ARK2N: variants seen among roughly 807,000 people sequenced by gnomAD.
The protein encoded by ARK2N is protein ARK2N.
chr18:46,178,377 A>G, the ARK2N span, among the ~76,000 whole-genome samples: 1 of 152,186 alleles, frequency 6.6e-6, no homozygotes, highest in Non-Finnish European at 1.5e-5. Context: ...CAATGGCACA[A>G]TCTCCGCTCA....
the ARK2N span, among the ~76,000 whole-genome samples, chr18:46,234,762 G>C: frequency 6.6e-6 from 1 of 152,042 alleles, no homozygotes; most frequent in South Asian, 2.1e-4. Flanking sequence ...TCTTTCTCTT[G>C]GTGTTGTGTG....
At chr18:46,185,404 C>T in the ARK2N span, among the ~76,000 whole-genome samples, 1 of 152,184 alleles carries the variant, frequency 6.6e-6, no homozygotes, top group Non-Finnish European at 1.5e-5. Flanking sequence ...TGTGTGTGCA[C>T]ATGTGCCACA....
chr18:46,229,508 C>T, the ARK2N span, among the ~76,000 whole-genome samples: 2 of 151,326 alleles, frequency 1.3e-5, no homozygotes, highest in South Asian at 2.1e-4. Context: ...CCACCACGCC[C>T]GGCTAATTTT....
At chr18:46,186,614 C>T in the ARK2N span, among the ~76,000 whole-genome samples, 93 of 148,820 alleles carry the variant, frequency 6.2e-4, no homozygotes, top group African/African-American at 2.1e-3. Flanking sequence ...ACACCATTCT[C>T]CTGCCTTAGC....
the ARK2N span, among the ~76,000 whole-genome samples, chr18:46,200,500 G>T: frequency 2.6e-5 from 4 of 152,064 alleles, no homozygotes; most frequent in Non-Finnish European, 5.9e-5. Flanking sequence ...TAGAAATGGG[G>T]TTTCACTATG....
the ARK2N span, among the ~76,000 whole-genome samples, chr18:46,182,032 G>A: frequency 6.6e-6 from 1 of 152,184 alleles, no homozygotes; most frequent in African/African-American, 2.4e-5. Flanking sequence ...ATAATGTCTG[G>A]AGTCTGCATT....
the ARK2N span, among the ~76,000 whole-genome samples, chr18:46,223,058 T>C: frequency 6.6e-6 from 1 of 152,216 alleles, no homozygotes; most frequent in Non-Finnish European, 1.5e-5. Context: ...GCATAAATGT[T>C]CTTATACCAT....
At chr18:46,253,954 G>A in the ARK2N span, 3 of 1,124,216 alleles carry the variant, frequency 2.7e-6, no homozygotes, top group African/African-American at 3.2e-5. Context: ...TCTTGGTTTT[G>A]TTTTGTTTAA....
chr18:46,189,192 G>A, the ARK2N span, among the ~76,000 whole-genome samples: 9 of 141,040 alleles, frequency 6.4e-5, no homozygotes, highest in East Asian at 1.9e-3. Context: ...TCCAGCCTGG[G>A]TGACAGAGCG....
At chr18:46,217,407 T>C in the ARK2N span, 7 of 152,232 alleles carry the variant, frequency 4.6e-5, no homozygotes, top group African/African-American at 1.7e-4. Flanking sequence ...AAGAGATCCT[T>C]ACAATATGAT....
At chr18:46,247,245 A>G in the ARK2N span, among the ~76,000 whole-genome samples, 3 of 152,196 alleles carry the variant, frequency 2.0e-5, no homozygotes, top group Non-Finnish European at 2.9e-5. Context: ...ATAAAAAATA[A>G]AGTGATGACA....
the ARK2N span, among the ~76,000 whole-genome samples, chr18:46,259,885 C>CTGTGTGTGTGTGTGTGTGTGTG: frequency 7.4e-3 from 601 of 81,680 alleles, 122 homozygotes; most frequent in Middle Eastern, 0.032. Context: ...ATCCTCCCGT[C>CTGTGTGTGTGTGTGTGTGTGTG]TGTGTGTGTG....
chr18:46,266,533 T>C, the ARK2N span: 1 of 152,620 alleles, frequency 6.6e-6, no homozygotes, highest in Non-Finnish European at 1.5e-5. Flanking sequence ...TAAAAGGTAG[T>C]GATCTTAAAA....
At chr18:46,212,639 C>T in the ARK2N span, among the ~76,000 whole-genome samples, 3 of 151,948 alleles carry the variant, frequency 2.0e-5, no homozygotes, top group Non-Finnish European at 4.4e-5. Flanking sequence ...GTTTTGACTG[C>T]AATACCGGTT....
chr18:46,184,723 T>TAACAAC, the ARK2N span, among the ~76,000 whole-genome samples: 5 of 151,876 alleles, frequency 3.3e-5, no homozygotes, highest in Admixed American at 6.6e-5. Flanking sequence ...ACCCTGTCTC[T>TAACAAC]AACAACAACA....
At chr18:46,258,206 G>A in the ARK2N span, among the ~76,000 whole-genome samples, 5 of 152,222 alleles carry the variant, frequency 3.3e-5, no homozygotes, top group East Asian at 1.9e-4. Context: ...GATTACAGGC[G>A]TGAGCCACCA....
the ARK2N span, among the ~76,000 whole-genome samples, chr18:46,241,414 A>G: frequency 6.6e-6 from 1 of 152,186 alleles, no homozygotes; most frequent in Non-Finnish European, 1.5e-5. Context: ...TATTAATACA[A>G]ATACTTTGAA....
the ARK2N span, among the ~76,000 whole-genome samples, chr18:46,181,784 G>T: frequency 6.6e-6 from 1 of 152,142 alleles, no homozygotes; most frequent in Non-Finnish European, 1.5e-5. Context: ...TTGATTGATT[G>T]ATTGATTGAG....
the ARK2N span, among the ~76,000 whole-genome samples, chr18:46,207,653 G>T: frequency 6.6e-6 from 1 of 152,188 alleles, no homozygotes; most frequent in African/African-American, 2.4e-5. Flanking sequence ...GTCCCAAAGT[G>T]CTGGGATTAC....
Sources: gnomAD v4.1 joint callset for allele counts (sites outside exome capture counted in the v4.1 genomes callset) on GRCh38, gnomAD v4.1.1 for gene constraint, MANE v1.5 for transcripts, NCBI Gene and HGNC (gene_info 2026-07-23, HGNC 2026-07-21) for gene names.